The following DLG2 variants were observed in gnomAD, a reference collection of about 807,000 sequenced individuals.
DLG2 encodes discs large MAGUK scaffold protein 2, also known as disks large homolog 2.
A neutral mutation model predicts 132.5 loss-of-function variants in DLG2; 45 were observed. The observed-to-expected ratio is 0.34, with a 90% CI of 0.27 to 0.44. The LOEUF (loss-of-function observed/expected upper bound fraction) is 0.44, where lower values mean the gene tolerates loss of function less well. Among genes scored for constraint, DLG2 ranks in the 20% least tolerant of loss-of-function variants. The pLI is 1.00. For missense variants in DLG2, 1,045 were observed against 1,196.9 expected (o/e 0.87, Z 1.87); for synonymous variants, 424 against 419.6 (o/e 1.01, Z -0.13).
intron 3 of DLG2, among the ~76,000 whole-genome samples, chr11:85,364,345 AC>A (rs933870022): frequency 2.6e-5 from 4 of 152,262 alleles, no homozygotes; most frequent in African/African-American, 7.2e-5. Context: ...TGCAGAGCAG[AC>A]TGGAGTACCA....
At chr11:85,179,478 C>A (rs1050246132) in intron 4 of DLG2, among the ~76,000 whole-genome samples, 1 of 151,656 alleles carries the variant, frequency 6.6e-6, no homozygotes, top group Non-Finnish European at 1.5e-5. Context: ...CCATCAAGGT[C>A]CTTGTCATAT....
intron 7 of DLG2, among the ~76,000 whole-genome samples, chr11:84,453,018 T>C (rs2099055888): frequency 6.6e-6 from 1 of 151,618 alleles, no homozygotes; most frequent in African/African-American, 2.4e-5. Context: ...TATGAACGTA[T>C]CAGATTATCA....
At chr11:84,500,423 T>A (rs562036157) in intron 7 of DLG2, among the ~76,000 whole-genome samples, 1 of 151,772 alleles carries the variant, frequency 6.6e-6, no homozygotes, top group Non-Finnish European at 1.5e-5. Context: ...GCTGGAGAAT[T>A]TGATAGCTTA....
In DLG2 at chr11:85,141,475, A is replaced by G. The variant is rs180879672; in HGVS notation, c.282+13081T>C. Among the ~76,000 whole-genome samples the G allele has an allele frequency of 5.9e-4, 90 of 151,628 alleles. 2 individuals carry two copies. Among genetic ancestry groups the G allele is most frequent in the African/African-American group, 1.9e-3 (79 of 41,476 alleles). ...TATATATTAGGGTTATTAATCTATT[A>G]TCACATGAAAATATTTCCTCCCATT... On this transcript the variant is annotated intron_variant, in intron 5 of 27. Transcript: ENST00000376104.
rs150747249 is a variant in DLG2, at chr11:84,044,613, T to G, written c.919+14702A>C. ...CCCCAATTCTGTTAGCTTTTGAGAT[T>G]TTGTTAAATGTCCTACACCAAGTTG... On this transcript the variant is annotated intron_variant, in intron 11 of 27. Coordinates refer to ENST00000376104, the MANE Select transcript of DLG2 (RefSeq NM_001142699.3). 1.3e-4 allele frequency among the ~76,000 whole-genome samples: 19 copies of G among 151,826 alleles called. 2 individuals are homozygous for G. Among genetic ancestry groups the G allele is most frequent in the African/African-American group, 4.6e-4 (19 of 41,456 alleles).
At chr11:84,832,753 C>T (rs1036710506) in intron 6 of DLG2, among the ~76,000 whole-genome samples, 1 of 151,568 alleles carries the variant, frequency 6.6e-6, no homozygotes, top group Non-Finnish European at 1.5e-5. Flanking sequence ...AAATATTCTG[C>T]TGATAGAAAT....
intron 6 of DLG2, among the ~76,000 whole-genome samples, chr11:85,097,450 A>T (rs1013613167): frequency 5.3e-5 from 8 of 152,172 alleles, no homozygotes; most frequent in African/African-American, 1.9e-4. Context: ...CACCCTGTAA[A>T]TATATATTGA....
chr11:83,687,291 T>A (rs1190544248), intron 18 of DLG2, among the ~76,000 whole-genome samples: 2 of 152,204 alleles, frequency 1.3e-5, no homozygotes, highest in Non-Finnish European at 2.9e-5. Context: ...TATCCTCATT[T>A]AGTACATGAG....
At chr11:84,384,859 A>G (rs2098762922) in intron 7 of DLG2, among the ~76,000 whole-genome samples, 1 of 152,028 alleles carries the variant, frequency 6.6e-6, no homozygotes, top group South Asian at 2.1e-4. Flanking sequence ...CTGTGTTTCT[A>G]ATTCACAAGA....
At chr11:84,442,699 T>C (rs993915272) in intron 7 of DLG2, among the ~76,000 whole-genome samples, 5 of 129,408 alleles carry the variant, frequency 3.9e-5, no homozygotes, top group Admixed American at 1.5e-4. Context: ...TTAAGTATAA[T>C]TAAAAAAAAA....
intron 6 of DLG2, among the ~76,000 whole-genome samples, chr11:85,052,588 T>G (rs2063012006): frequency 6.6e-6 from 1 of 152,212 alleles, no homozygotes; most frequent in African/African-American, 2.4e-5. Context: ...ACTTCACTGT[T>G]GTTAAAAGGA....
chr11:84,045,250 C>A (rs2096215418), intron 11 of DLG2, among the ~76,000 whole-genome samples: 1 of 151,630 alleles, frequency 6.6e-6, no homozygotes, highest in Admixed American at 6.6e-5. Context: ...TATGCACTTG[C>A]CAAATTCCAT....
intron 7 of DLG2, among the ~76,000 whole-genome samples, chr11:84,300,218 T>G (rs2098136673): frequency 6.6e-6 from 1 of 152,166 alleles, no homozygotes. Context: ...CAAGCTCTCT[T>G]ACTGTCAATT....
Position 85,229,199 on chromosome 11 carries a change from A to AACAG in DLG2, c.186+56020_186+56021insCTGT, listed in dbSNP as rs1446959365. On this transcript the variant is annotated intron_variant, in intron 4 of 27. Coordinates refer to ENST00000376104, the MANE Select transcript of DLG2 (RefSeq NM_001142699.3). ...ATCAACAACACAGTATTTTTTTTTTACTTTAAAGAGTCAGCTGTCAAGAAA... is the reference window on the plus strand; with the variant it reads ...ATCAACAACACAGTATTTTTTTTTTAACAGCTTTAAAGAGTCAGCTGTCAAGAAA... Among the ~76,000 whole-genome samples, 15 of 135,486 alleles carry AACAG rather than the reference A, an allele frequency of 1.1e-4. 1 individual carries two copies. The highest frequency in any genetic ancestry group is 4.0e-4 in the African/African-American group (15 of 37,582). The allele number at this position is 135,486 out of a possible 152,430, so 88.9% of individuals were successfully genotyped here. A position where few individuals can be genotyped will look rare whatever the true frequency, so the allele number is the denominator to read the frequency against.
intron 6 of DLG2, among the ~76,000 whole-genome samples, chr11:85,070,873 T>C (rs1197865735): frequency 6.6e-6 from 1 of 151,822 alleles, no homozygotes. Flanking sequence ...ACTTTTACCT[T>C]CATGTTGGTA....
At chr11:85,626,236 G>C (rs997323117) in intron 2 of DLG2, among the ~76,000 whole-genome samples, 5 of 152,200 alleles carry the variant, frequency 3.3e-5, no homozygotes, top group Admixed American at 3.3e-4. Flanking sequence ...TTAAACCCAT[G>C]AGGAAGAGCT....
At chr11:84,110,428 C>A (rs1353298971) in intron 9 of DLG2, among the ~76,000 whole-genome samples, 1 of 152,008 alleles carries the variant, frequency 6.6e-6, no homozygotes, top group Non-Finnish European at 1.5e-5. Flanking sequence ...GAATTTATAT[C>A]TGTAAATATA....
chr11:84,097,190 T>C (rs763472895), intron 10 of DLG2, among the ~76,000 whole-genome samples: 5 of 152,188 alleles, frequency 3.3e-5, no homozygotes, highest in Non-Finnish European at 5.9e-5. Flanking sequence ...CTTGATTAAA[T>C]TTGAATCAGG....
rs565048901 is a variant in DLG2, at chr11:85,292,155, C to G, written c.41-6790G>C. Among the ~76,000 whole-genome samples, 116 of 152,212 alleles carry G rather than the reference C, an allele frequency of 7.6e-4. 1 individual carries two copies. The South Asian group carries it at 0.023, about 30-fold the overall frequency. On this transcript the variant is annotated intron_variant, in intron 3 of 27. Coordinates refer to ENST00000376104, the MANE Select transcript of DLG2 (RefSeq NM_001142699.3). ...AATTTCCTTATCCTGTATCCATATC[C>G]CATACTTTCTCTTCTGCAAAGTAAA... is the stretch of plus-strand genomic sequence containing the variant.
Sources: gnomAD v4.1 joint callset for allele counts (sites outside exome capture counted in the v4.1 genomes callset) on GRCh38, gnomAD v4.1.1 for gene constraint, MANE v1.5 for transcripts, NCBI Gene and HGNC (gene_info 2026-07-23, HGNC 2026-07-21) for gene names.